MDGA2: variants seen among roughly 807,000 people sequenced by gnomAD.
MDGA2 encodes the protein MAM domain containing glycosylphosphatidylinositol anchor 2, also known as MAM domain-containing glycosylphosphatidylinositol anchor protein 2.
In MDGA2, 40 loss-of-function variants were observed where a neutral mutation model predicts 117.8. That is an observed-to-expected ratio of 0.34 (90% CI 0.26 to 0.44). The LOEUF (loss-of-function observed/expected upper bound fraction) is 0.44, where lower values mean the gene tolerates loss of function less well. Among genes scored for constraint, MDGA2 ranks in the 20% least tolerant of loss-of-function variants. MDGA2 has a pLI of 1.00. For synonymous variants in MDGA2, 452 were observed against 439.0 expected (o/e 1.03, Z -0.37); for missense variants, 1,123 against 1,250.6 (o/e 0.90, Z 1.54).
At chr14:46,935,545 A>G (rs1477233950) in intron 9 of MDGA2, among the ~76,000 whole-genome samples, 1 of 152,208 alleles carries the variant, frequency 6.6e-6, no homozygotes, top group Non-Finnish European at 1.5e-5. Context: ...TATTTATTAG[A>G]ACCCACATTC....
chr14:47,333,819 A>G (rs1183281058), intron 1 of MDGA2, among the ~76,000 whole-genome samples: 1 of 151,898 alleles, frequency 6.6e-6, no homozygotes, highest in Non-Finnish European at 1.5e-5. Flanking sequence ...TTCTATTTTG[A>G]CTTGACAGAT....
At chr14:47,358,171 ATT>A (rs1891037701) in intron 1 of MDGA2, among the ~76,000 whole-genome samples, 1 of 152,112 alleles carries the variant, frequency 6.6e-6, no homozygotes, top group Admixed American at 6.5e-5. Flanking sequence ...AGAGGTGTCT[ATT>A]CACCATTTTC....
intron 2 of MDGA2, among the ~76,000 whole-genome samples, chr14:47,226,723 C>T (rs539027382): frequency 6.6e-6 from 1 of 152,242 alleles, no homozygotes; most frequent in African/African-American, 2.4e-5. Flanking sequence ...CAAGACATTA[C>T]TCTTGGGCCC....
intron 1 of MDGA2, among the ~76,000 whole-genome samples, chr14:47,418,251 A>C (rs1265154799): frequency 1.3e-5 from 2 of 151,290 alleles, no homozygotes; most frequent in Admixed American, 6.6e-5. Flanking sequence ...ACACCCAGCT[A>C]ATTTTTGTAT....
chr14:46,854,795 G>T (rs1350213445), intron 15 of MDGA2, among the ~76,000 whole-genome samples: 2 of 151,528 alleles, frequency 1.3e-5, no homozygotes, highest in African/African-American at 2.4e-5. Flanking sequence ...TTTAAATTTT[G>T]ATAAAGTATT....
chr14:46,964,309 TGTG>T (rs57958833), intron 8 of MDGA2, among the ~76,000 whole-genome samples: 17,897 of 152,112 alleles, frequency 0.12, 1,998 homozygotes, highest in African/African-American at 0.27. Context: ...TATAATAAAA[TGTG>T]GTTCTTTTAA....
At chr14:47,482,294 A>G (rs1284650823) in intron 1 of MDGA2, among the ~76,000 whole-genome samples, 1 of 152,066 alleles carries the variant, frequency 6.6e-6, no homozygotes, top group Non-Finnish European at 1.5e-5. Context: ...AAAGGTTGCA[A>G]AGAATTAATT....
At chr14:47,426,035 T>A (rs1892681935) in intron 1 of MDGA2, among the ~76,000 whole-genome samples, 1 of 152,118 alleles carries the variant, frequency 6.6e-6, no homozygotes, top group Non-Finnish European at 1.5e-5. Context: ...CTGGGAGGGT[T>A]CTCTGACTTA....
chr14:46,987,153 G>A (rs1329559403), intron 8 of MDGA2, among the ~76,000 whole-genome samples: 1 of 152,062 alleles, frequency 6.6e-6, no homozygotes, highest in Non-Finnish European at 1.5e-5. Context: ...TTTATTGACA[G>A]AAAACTTATT....
At chr14:47,116,702 T>C (rs941107564) in intron 5 of MDGA2, among the ~76,000 whole-genome samples, 13 of 152,042 alleles carry the variant, frequency 8.6e-5, no homozygotes, top group African/African-American at 2.9e-4. Flanking sequence ...TGGATATCCA[T>C]GTGCAAAGAA....
chr14:47,368,439 A>G (rs1891276761), intron 1 of MDGA2, among the ~76,000 whole-genome samples: 1 of 152,214 alleles, frequency 6.6e-6, no homozygotes, highest in Non-Finnish European at 1.5e-5. Context: ...AGATTAGAGA[A>G]TAGAATTGAA....
intron 1 of MDGA2, among the ~76,000 whole-genome samples, chr14:47,480,526 A>T (rs1893930193): frequency 6.6e-6 from 1 of 152,066 alleles, no homozygotes; most frequent in Non-Finnish European, 1.5e-5. Flanking sequence ...ACAAATATCA[A>T]TAATTCCATA....
chr14:47,552,561 T>C (rs1213905320), intron 1 of MDGA2, among the ~76,000 whole-genome samples: 3 of 152,160 alleles, frequency 2.0e-5, no homozygotes, highest in African/African-American at 7.2e-5. Flanking sequence ...TGATCACACC[T>C]CATAACTTCC....
chr14:47,627,704 C>A (rs1379216897), intron 1 of MDGA2, among the ~76,000 whole-genome samples: 1 of 152,156 alleles, frequency 6.6e-6, no homozygotes, highest in Non-Finnish European at 1.5e-5. Flanking sequence ...AAGCAGTCTG[C>A]CCCAGCCAGC....
chr14:47,049,305 G>A (rs549625480), intron 7 of MDGA2, among the ~76,000 whole-genome samples: 136 of 152,000 alleles, frequency 8.9e-4, no homozygotes, highest in Non-Finnish European at 1.2e-3. Context: ...GTGGGGGAAG[G>A]TATTGGTTCC....
intron 9 of MDGA2, among the ~76,000 whole-genome samples, chr14:46,930,289 C>A (rs12890662): frequency 0.54 from 82,098 of 151,870 alleles, 22,634 homozygotes; most frequent in South Asian, 0.59. Flanking sequence ...TACAAGCAAT[C>A]CTTTTTAAAT....
chr14:46,862,659 T>C (rs759624955), intron 14 of MDGA2, among the ~76,000 whole-genome samples: 14 of 151,966 alleles, frequency 9.2e-5, no homozygotes, highest in Non-Finnish European at 1.9e-4. Flanking sequence ...TGGAGATCAC[T>C]TGCATACAAA....
chr14:47,498,972 T>G lies in MDGA2; in HGVS notation c.280+175545A>C, dbSNP rs564938339. On this transcript the variant is annotated intron_variant, in intron 1 of 16. Transcript: ENST00000399232. The stretch of plus-strand genomic sequence containing the variant: ...TATAAATCATGTAGCAGGGAAGTAG[T>G]CACTCAATATTTTAATACTTAGCTA... Among the ~76,000 whole-genome samples the G allele has an allele frequency of 6.6e-5, 10 of 152,226 alleles. No homozygotes were observed. In the South Asian group the frequency reaches 2.1e-3, roughly 32 times the overall value.
chr14:46,933,690 T>A (rs1257069339), intron 9 of MDGA2, among the ~76,000 whole-genome samples: 1 of 150,778 alleles, frequency 6.6e-6, no homozygotes, highest in Non-Finnish European at 1.5e-5. Context: ...TTTGCATTTA[T>A]TTTCTTGAAA....
Sources: allele counts gnomAD v4.1 joint callset (sites outside exome capture counted in the v4.1 genomes callset), GRCh38; gene constraint gnomAD v4.1.1; transcripts MANE v1.5; gene names NCBI Gene and HGNC (gene_info 2026-07-23, HGNC 2026-07-21).